The following GALNT13 variants were observed in gnomAD, a reference collection of about 807,000 sequenced individuals.
The protein encoded by GALNT13 is polypeptide N-acetylgalactosaminyltransferase 13, also known as UDP-GalNAc:polypeptide N-acetylgalactosaminyltransferase 13.
In GALNT13, 28 loss-of-function variants were observed where a neutral mutation model predicts 64.2. The observed-to-expected ratio is 0.44, with a 90% confidence interval of 0.32 to 0.60. The LOEUF is 0.60. Among genes scored for constraint, GALNT13 ranks in the 20% least tolerant of loss-of-function variants. The pLI is 0.05. For synonymous variants in GALNT13, 214 were observed against 224.6 expected (o/e 0.95, Z 0.42); for missense variants, 577 against 669.8 (o/e 0.86, Z 1.53).
At chr2:154,112,385 G>A (rs1010209716) in intron 3 of GALNT13, among the ~76,000 whole-genome samples, 5 of 152,258 alleles carry the variant, frequency 3.3e-5, no homozygotes, top group Admixed American at 1.3e-4. Context: ...TCCACAGAAC[G>A]GGTCATCCTA....
At chr2:153,920,569 A>G (rs2105335270) in intron 2 of GALNT13, among the ~76,000 whole-genome samples, 1 of 152,192 alleles carries the variant, frequency 6.6e-6, no homozygotes, top group African/African-American at 2.4e-5. Flanking sequence ...GGACCTAGAA[A>G]CTGGCAAAGA....
chr2:154,407,546 G>C (rs1012108423), intron 10 of GALNT13, among the ~76,000 whole-genome samples: 1 of 152,020 alleles, frequency 6.6e-6, no homozygotes, highest in Non-Finnish European at 1.5e-5. Flanking sequence ...ATCCCTTCTA[G>C]TGTCTGGACC....
At chr2:153,675,247 G>C in the GALNT13 span, among the ~76,000 whole-genome samples, 1 of 152,132 alleles carries the variant, frequency 6.6e-6, no homozygotes. Context: ...ACATGCACAC[G>C]TATGTTTATT....
chr2:153,885,753 G>A (rs1008155873), intron 1 of GALNT13, among the ~76,000 whole-genome samples: 11 of 152,062 alleles, frequency 7.2e-5, no homozygotes, highest in African/African-American at 2.7e-4. Flanking sequence ...TAGATCAGCA[G>A]CTGCTCTTGA....
At chr2:154,052,056 C>T (rs943845583) in intron 3 of GALNT13, among the ~76,000 whole-genome samples, 1 of 152,050 alleles carries the variant, frequency 6.6e-6, no homozygotes, top group Non-Finnish European at 1.5e-5. Flanking sequence ...CATTTCAGCT[C>T]CCCAAATTCA....
chr2:153,806,908 C>T, the GALNT13 span, among the ~76,000 whole-genome samples: 1,110 of 124,276 alleles, frequency 8.9e-3, 12 homozygotes, highest in African/African-American at 0.029. Flanking sequence ...TCAAGATGTA[C>T]ACTTTGGTGA....
At chr2:153,269,756 G>T in the GALNT13 span, among the ~76,000 whole-genome samples, 1 of 152,166 alleles carries the variant, frequency 6.6e-6, no homozygotes, top group African/African-American at 2.4e-5. Flanking sequence ...GGCTCAGGGG[G>T]CCTGAGGAAA....
At chr2:154,269,684 C>G (rs2105919300) in intron 8 of GALNT13, among the ~76,000 whole-genome samples, 1 of 151,364 alleles carries the variant, frequency 6.6e-6, no homozygotes, top group African/African-American at 2.4e-5. Flanking sequence ...GCAGGCTGAA[C>G]CTTAAACATA....
At chr2:154,437,473 C>A in intron 11 of GALNT13, 1 of 1,132,276 alleles carries the variant, frequency 8.8e-7, no homozygotes, top group Non-Finnish European at 1.1e-6. Flanking sequence ...ATTCTGTTGA[C>A]ATTGCAAGGA....
At chr2:154,086,078 T>C (rs964532885) in intron 3 of GALNT13, among the ~76,000 whole-genome samples, 2 of 150,060 alleles carry the variant, frequency 1.3e-5, no homozygotes, top group Non-Finnish European at 3.0e-5. Flanking sequence ...ATACCCTTTT[T>C]CTTGAGCAAT....
chr2:153,997,277 T>A (rs1277827370), intron 3 of GALNT13, among the ~76,000 whole-genome samples: 1 of 152,148 alleles, frequency 6.6e-6, no homozygotes, highest in African/African-American at 2.4e-5. Flanking sequence ...GACATTTTAA[T>A]AATATTAAGT....
the GALNT13 span, among the ~76,000 whole-genome samples, chr2:153,476,925 G>T: frequency 6.6e-6 from 1 of 152,020 alleles, no homozygotes; most frequent in African/African-American, 2.4e-5. Flanking sequence ...CCTGGCTGAC[G>T]TTGGTTAGGG....
At chr2:154,375,914 C>T (rs1239191408) in intron 9 of GALNT13, among the ~76,000 whole-genome samples, 1 of 152,172 alleles carries the variant, frequency 6.6e-6, no homozygotes, top group African/African-American at 2.4e-5. Flanking sequence ...GCCGGCAATG[C>T]ATAACCTGGC....
chr2:154,025,936 A>T (rs1574362687), intron 3 of GALNT13, among the ~76,000 whole-genome samples: 1 of 152,136 alleles, frequency 6.6e-6, no homozygotes, highest in African/African-American at 2.4e-5. Flanking sequence ...TTAGAAAGGC[A>T]GGCAGGACTC....
chr2:154,408,419 C>T (rs943651081), intron 10 of GALNT13, among the ~76,000 whole-genome samples: 1 of 151,962 alleles, frequency 6.6e-6, no homozygotes, highest in Non-Finnish European at 1.5e-5. Context: ...TCAAGCACTT[C>T]CCAATAAGTT....
At chr2:153,174,211 T>TG in the GALNT13 span, among the ~76,000 whole-genome samples, 1 of 152,166 alleles carries the variant, frequency 6.6e-6, no homozygotes, top group Non-Finnish European at 1.5e-5. Flanking sequence ...TGACCCACCC[T>TG]GGGGGGTCAT....
At chr2:153,102,188 C>T in the GALNT13 span, among the ~76,000 whole-genome samples, 3 of 152,018 alleles carry the variant, frequency 2.0e-5, no homozygotes, top group African/African-American at 7.2e-5. Context: ...CTCTGTCTCC[C>T]TCTTTCTCTC....
At chr2:154,168,672 TTAA>T (rs148231411) in intron 4 of GALNT13, among the ~76,000 whole-genome samples, 24,884 of 118,758 alleles carry the variant, frequency 0.21, 3,047 homozygotes, top group Middle Eastern at 0.32. Context: ...ATCTCTACTA[TTAA>T]AAAAAAAAAA....
chr2:153,672,700 A>G, the GALNT13 span, among the ~76,000 whole-genome samples: 3 of 152,252 alleles, frequency 2.0e-5, no homozygotes, highest in East Asian at 3.9e-4. Flanking sequence ...AATATCTAAG[A>G]TCAGAGCAGA....
Sources: gnomAD v4.1 joint callset for allele counts (sites outside exome capture counted in the v4.1 genomes callset) on GRCh38, gnomAD v4.1.1 for gene constraint, MANE v1.5 for transcripts, NCBI Gene and HGNC (gene_info 2026-07-23, HGNC 2026-07-21) for gene names.